The following FAM3C variants were observed in gnomAD, a reference collection of about 807,000 sequenced individuals.
FAM3C encodes the protein protein FAM3C.
Under a neutral mutation model 32.5 loss-of-function variants are expected in FAM3C, and 15 were observed. The observed-to-expected ratio is 0.46, with a 90% CI of 0.31 to 0.71. The LOEUF (loss-of-function observed/expected upper bound fraction) is 0.71, where lower values mean the gene tolerates loss of function less well. Among genes scored for constraint, FAM3C ranks in the 30% least tolerant of loss-of-function variants. The pLI, the probability that FAM3C is intolerant of heterozygous loss-of-function variation, is 0.05. For missense variants in FAM3C, 175 were observed against 274.4 expected (o/e 0.64, Z 2.56); for synonymous variants, 75 against 86.1 (o/e 0.87, Z 0.72).
intron 1 of FAM3C, among the ~76,000 whole-genome samples, chr7:121,395,131 C>T (rs536452449): frequency 6.6e-6 from 1 of 151,996 alleles, no homozygotes; most frequent in African/African-American, 2.4e-5. Flanking sequence ...AGTAAGCAAT[C>T]TAATATTATT....
Position 121,351,269 on chromosome 7 carries a change from T to A in FAM3C, c.468A>T (p.Lys156Asn). 2 of 1,613,170 alleles carry A rather than the reference T, an allele frequency of 1.2e-6. No homozygotes were observed. Among genetic ancestry groups the A allele is most frequent in the Non-Finnish European group, 1.7e-6 (2 of 1,179,548 alleles). The stretch of plus-strand genomic sequence containing the variant: ...TGAGCCGCCGTGCCTCATCATTGAG[T>A]CTTGAAGAGGGAGAGAAAGAATACA... ...LMGTYDDGATKLNDEARRLIA... is the reference protein window; with the variant it reads ...LMGTYDDGATNLNDEARRLIA... The change falls in exon 9 of 10, where the codon AAA (lysine) becomes AAT (asparagine). Residue 156 changes from lysine to asparagine, a missense_variant and splice_region_variant. Lys to Asn is a moderately conservative substitution (Grantham distance 94, BLOSUM62 0). Transcript: ENST00000359943.
At chr7:121,381,017 G>A (rs1794340244) in intron 2 of FAM3C, among the ~76,000 whole-genome samples, 1 of 152,092 alleles carries the variant, frequency 6.6e-6, no homozygotes. Flanking sequence ...AAAGTTAGAG[G>A]TGGAGAAACT....
chr7:121,359,407 C>T (rs916653383), intron 8 of FAM3C, among the ~76,000 whole-genome samples: 15 of 151,804 alleles, frequency 9.9e-5, no homozygotes, highest in Non-Finnish European at 1.6e-4. Context: ...ATATTCACCA[C>T]GTAAGTGAAG....
At chr7:121,371,864 C>T (rs1794154481) in intron 4 of FAM3C, among the ~76,000 whole-genome samples, 1 of 152,160 alleles carries the variant, frequency 6.6e-6, no homozygotes, top group South Asian at 2.1e-4. Flanking sequence ...TGCCCATGTA[C>T]ACTCTTAACT....
chr7:121,361,774 C>T (rs1793930093), intron 7 of FAM3C, among the ~76,000 whole-genome samples: 1 of 152,176 alleles, frequency 6.6e-6, no homozygotes, highest in East Asian at 1.9e-4. Context: ...CTCCCCGGTT[C>T]AAGGGATTCT....
intron 8 of FAM3C, among the ~76,000 whole-genome samples, chr7:121,356,165 A>T (rs886533166): frequency 2.0e-5 from 3 of 150,298 alleles, no homozygotes; most frequent in African/African-American, 7.5e-5. Flanking sequence ...CTGCATGAAT[A>T]TTCAAAGAAA....
chr7:121,383,326 T>C (rs531934446), intron 1 of FAM3C, among the ~76,000 whole-genome samples: 2 of 152,260 alleles, frequency 1.3e-5, no homozygotes, highest in South Asian at 4.2e-4. Flanking sequence ...ACTTTTGATA[T>C]TTAGCTCCAA....
At chr7:121,350,982 C>A (rs184947477) in intron 9 of FAM3C, among the ~76,000 whole-genome samples, 161 bp downstream of exon 9, 5 of 152,078 alleles carry the variant, frequency 3.3e-5, no homozygotes, top group African/African-American at 1.2e-4. Context: ...TTTAAAAGTA[C>A]GATAGTTATT....
chr7:121,368,972 G>T (rs796454715), intron 5 of FAM3C, among the ~76,000 whole-genome samples: 8 of 96,170 alleles, frequency 8.3e-5, no homozygotes, highest in Non-Finnish European at 1.2e-4. Flanking sequence ...TGTTGTTGTT[G>T]TTTTTTTTTT....
At chr7:121,373,373 C>T (rs1794184107) in intron 3 of FAM3C, among the ~76,000 whole-genome samples, 1 of 152,182 alleles carries the variant, frequency 6.6e-6, no homozygotes, top group East Asian at 1.9e-4. Context: ...ATTCTGAAAA[C>T]ATTAGCACCT....
At chr7:121,375,017 T>C (rs1399943794) in intron 3 of FAM3C, among the ~76,000 whole-genome samples, 1 of 152,140 alleles carries the variant, frequency 6.6e-6, no homozygotes, top group Non-Finnish European at 1.5e-5. Context: ...CACCCAGTGC[T>C]AGATGCTGGG....
chr7:121,358,401 T>C (rs903108524), intron 8 of FAM3C, among the ~76,000 whole-genome samples: 3 of 152,032 alleles, frequency 2.0e-5, no homozygotes. Flanking sequence ...ATAAAGGATG[T>C]TTTTTATCCT....
chr7:121,351,425 G>A, intron 8 of FAM3C, 156 bp from the exon 9 acceptor site: 1 of 591,130 alleles, frequency 1.7e-6, no homozygotes, highest in Non-Finnish European at 2.7e-6. Flanking sequence ...CATTTCTACT[G>A]GTTGAATTCT....
At chr7:121,371,554 C>T (rs961868284) in intron 4 of FAM3C, 131 bp from the exon 5 acceptor site, 5 of 1,000,324 alleles carry the variant, frequency 5.0e-6, no homozygotes, top group African/African-American at 1.6e-5. Context: ...AAAATACAAG[C>T]TAATTTGTTC....
intron 1 of FAM3C, among the ~76,000 whole-genome samples, chr7:121,393,146 C>T (rs541386866): frequency 1.1e-3 from 168 of 152,222 alleles, no homozygotes; most frequent in Admixed American, 2.6e-3. Context: ...CATGAACGTG[C>T]TAAATGCCAC....
chr7:121,359,127 T>TA (rs35410597), intron 8 of FAM3C, among the ~76,000 whole-genome samples: 24,889 of 151,838 alleles, frequency 0.16, 2,162 homozygotes, highest in South Asian at 0.21. Context: ...ATAAAATTGG[T>TA]AAAAAAATTT....
intron 5 of FAM3C, among the ~76,000 whole-genome samples, chr7:121,371,086 G>A (rs555818772): frequency 1.3e-5 from 2 of 152,096 alleles, no homozygotes; most frequent in East Asian, 1.9e-4. Flanking sequence ...CTATAAAGCC[G>A]AATAAGTGTT....
chr7:121,393,282 C>T (rs772008117), intron 1 of FAM3C, among the ~76,000 whole-genome samples: 3 of 152,066 alleles, frequency 2.0e-5, no homozygotes, highest in South Asian at 2.1e-4. Context: ...AGTAAGATCC[C>T]GTCTTTTAAG....
chr7:121,388,019 A>G (rs1403388153), intron 1 of FAM3C, among the ~76,000 whole-genome samples: 1 of 152,154 alleles, frequency 6.6e-6, no homozygotes. Context: ...GAATAAGATG[A>G]CTGCATTCAT....
Sources: allele counts gnomAD v4.1 joint callset (sites outside exome capture counted in the v4.1 genomes callset), GRCh38; gene constraint gnomAD v4.1.1; transcripts MANE v1.5; gene names NCBI Gene and HGNC (gene_info 2026-07-23, HGNC 2026-07-21).